The following ADCY2 variants were observed in gnomAD, a reference collection of about 807,000 sequenced individuals.
The protein encoded by ADCY2 is adenylate cyclase 2.
ADCY2 carries 31 observed loss-of-function variants against 125.2 expected under a neutral mutation model. The observed-to-expected ratio is 0.25, with a 90% CI of 0.19 to 0.33. The LOEUF is 0.33. Ranked by LOEUF, ADCY2 falls within the 10% of genes least tolerant of loss-of-function variation. The pLI, the probability that ADCY2 is intolerant of heterozygous loss-of-function variation, is 1.00. For synonymous variants in ADCY2, 512 were observed against 548.4 expected (o/e 0.93, Z 0.93); for missense variants, 904 against 1,418.2 (o/e 0.64, Z 5.82).
intron 4 of ADCY2, among the ~76,000 whole-genome samples, chr5:7,670,794 G>C (rs996943423): frequency 6.6e-6 from 1 of 152,222 alleles, no homozygotes; most frequent in Admixed American, 6.5e-5. Flanking sequence ...TAATGCTGCC[G>C]CTGATCTGAC....
intron 3 of ADCY2, among the ~76,000 whole-genome samples, chr5:7,526,801 G>A (rs777164598): frequency 4.0e-4 from 61 of 152,080 alleles, no homozygotes; most frequent in Middle Eastern, 3.4e-3. Flanking sequence ...ACATTTTTCT[G>A]GAATCTGGGA....
chr5:7,645,864 T>G (rs1010431568), intron 4 of ADCY2, among the ~76,000 whole-genome samples: 6 of 152,120 alleles, frequency 3.9e-5, no homozygotes, highest in African/African-American at 9.7e-5. Flanking sequence ...GGGACAAGAG[T>G]CAGATTTGCA....
chr5:7,636,094 A>C (rs762223939), intron 4 of ADCY2, among the ~76,000 whole-genome samples: 7 of 151,920 alleles, frequency 4.6e-5, no homozygotes, highest in Non-Finnish European at 8.8e-5. Context: ...CAAGGCAGCC[A>C]CTCTCCCAGA....
At chr5:7,817,653 C>A (rs899813634) in intron 23 of ADCY2, among the ~76,000 whole-genome samples, 3 of 151,712 alleles carry the variant, frequency 2.0e-5, no homozygotes, top group African/African-American at 7.3e-5. Context: ...ATGATGAGAC[C>A]CCATCTCTAC....
rs1579453449 is a variant in ADCY2 at position 7,802,088 on chromosome 5, T to G, written c.2629-130T>G. On this transcript the variant is annotated intron_variant, in intron 20 of 24. Coordinates refer to ENST00000338316, the MANE Select transcript of ADCY2 (RefSeq NM_020546.3). The surrounding 1 kb of genome is among the most constrained non-coding windows in gnomAD (Gnocchi z 4.6). ...CATCTGGATTGGGCCGCGGCTGGGG[T>G]GGGGCAAGTGGAGTAGGCATTTGGG... The G allele has an allele frequency of 1.5e-5, 15 of 1,019,466 alleles. No homozygotes were observed. The highest frequency in any genetic ancestry group is 5.0e-5 in the East Asian group (2 of 40,114). 63.2% of individuals were successfully genotyped at this position (1,019,466 alleles called of 1,614,324 possible). A position where few individuals can be genotyped will look rare whatever the true frequency, so the allele number is the denominator to read the frequency against.
At chr5:7,636,410 GAGA>G (rs1222222573) in intron 4 of ADCY2, among the ~76,000 whole-genome samples, 2 of 152,248 alleles carry the variant, frequency 1.3e-5, no homozygotes, top group African/African-American at 2.4e-5. Context: ...CTGTGACTGA[GAGA>G]AGGTCAGTGT....
intron 7 of ADCY2, among the ~76,000 whole-genome samples, chr5:7,704,558 T>C (rs1183659989): frequency 6.6e-6 from 1 of 152,176 alleles, no homozygotes; most frequent in Non-Finnish European, 1.5e-5. Flanking sequence ...CTATAGATCA[T>C]GTAAATTGAA....
At chr5:7,655,014 C>T (rs907327183) in intron 4 of ADCY2, among the ~76,000 whole-genome samples, 1 of 152,156 alleles carries the variant, frequency 6.6e-6, no homozygotes, top group Non-Finnish European at 1.5e-5. Flanking sequence ...TTTGAGATCC[C>T]TGTTAGGTTT....
intron 14 of ADCY2, among the ~76,000 whole-genome samples, chr5:7,743,016 G>A (rs1018408540): frequency 9.2e-5 from 14 of 152,052 alleles, no homozygotes; most frequent in South Asian, 2.1e-4. Context: ...GGGACCTTTC[G>A]GATATGTATA....
chr5:7,491,864 T>C (rs1376589081), intron 2 of ADCY2, among the ~76,000 whole-genome samples: 1 of 152,262 alleles, frequency 6.6e-6, no homozygotes, highest in Non-Finnish European at 1.5e-5. Context: ...TTCTGTTTTA[T>C]TCATCTATCT....
chr5:7,397,643 C>T (rs1739111483), intron 1 of ADCY2, among the ~76,000 whole-genome samples: 1 of 151,836 alleles, frequency 6.6e-6, no homozygotes, highest in South Asian at 2.1e-4. Flanking sequence ...TTAGGATGTC[C>T]GGAGCCAGAT....
chr5:7,781,160 A>G (rs1340129388), intron 18 of ADCY2, among the ~76,000 whole-genome samples: 2 of 152,184 alleles, frequency 1.3e-5, no homozygotes, highest in Non-Finnish European at 1.5e-5. Flanking sequence ...AGTAGATTTC[A>G]TCCTTAAAAC....
At chr5:7,410,343 AAAG>A (rs2126318345) in intron 1 of ADCY2, among the ~76,000 whole-genome samples, 1 of 152,326 alleles carries the variant, frequency 6.6e-6, no homozygotes, top group African/African-American at 2.4e-5. Context: ...AAAAAAGAAA[AAAG>A]AAAAAGTACA....
chr5:7,486,956 G>A (rs375698948), intron 2 of ADCY2, among the ~76,000 whole-genome samples: 7 of 152,240 alleles, frequency 4.6e-5, no homozygotes, highest in African/African-American at 1.4e-4. Flanking sequence ...TCTCCCATGC[G>A]GTGGAAGACA....
chr5:7,453,559 G>A (rs1741552354), intron 2 of ADCY2, among the ~76,000 whole-genome samples: 1 of 152,166 alleles, frequency 6.6e-6, no homozygotes, highest in Non-Finnish European at 1.5e-5. Context: ...AGAGACCAAG[G>A]TAAATTTTAG....
At chr5:7,734,653 C>A (rs1178396952) in intron 14 of ADCY2, among the ~76,000 whole-genome samples, 1 of 152,136 alleles carries the variant, frequency 6.6e-6, no homozygotes, top group African/African-American at 2.4e-5. Flanking sequence ...ACTTAATGGA[C>A]CTGAACATGC....
chr5:7,542,654 C>T (rs1030274414), intron 3 of ADCY2, among the ~76,000 whole-genome samples: 11 of 152,198 alleles, frequency 7.2e-5, no homozygotes, highest in African/African-American at 1.9e-4. Flanking sequence ...GCATTCGCCA[C>T]GCAGCAGCGC....
At chr5:7,675,485 C>A (rs983304635) in intron 4 of ADCY2, among the ~76,000 whole-genome samples, 1 of 152,218 alleles carries the variant, frequency 6.6e-6, no homozygotes, top group Non-Finnish European at 1.5e-5. Flanking sequence ...GCACTACTGA[C>A]TATGTGCCAT....
At chr5:7,533,696 A>G (rs1053548672) in intron 3 of ADCY2, among the ~76,000 whole-genome samples, 6 of 152,118 alleles carry the variant, frequency 3.9e-5, no homozygotes, top group Non-Finnish European at 8.8e-5. Flanking sequence ...TTTACTTTTG[A>G]CATAAAGAAA....
Sources: allele counts gnomAD v4.1 joint callset (sites outside exome capture counted in the v4.1 genomes callset), GRCh38; gene constraint gnomAD v4.1.1; non-coding constraint Gnocchi (gnomAD v3.1); transcripts MANE v1.5; gene names NCBI Gene and HGNC (gene_info 2026-07-23, HGNC 2026-07-21).